PRKD1: variants seen among roughly 807,000 people sequenced by gnomAD.
The protein encoded by PRKD1 is protein kinase D1.
Under a neutral mutation model 95.9 loss-of-function variants are expected in PRKD1, and 63 were observed. The ratio of observed to expected loss-of-function variants is 0.66; its 90% CI spans 0.54 to 0.81. The LOEUF is 0.81. Among genes scored for constraint, PRKD1 ranks in the 30% least tolerant of loss-of-function variants. The pLI, the probability that PRKD1 is intolerant of heterozygous loss-of-function variation, is 0.00. For missense variants in PRKD1, 1,048 were observed against 1,165.3 expected, an observed-to-expected ratio of 0.90 and a Z score of 1.47; for synonymous variants, 425 against 423.1, an observed-to-expected ratio of 1.00 and a Z score of -0.05.
chr14:29,813,927 C>T (rs1409698888), intron 1 of PRKD1, among the ~76,000 whole-genome samples: 1 of 152,156 alleles, frequency 6.6e-6, no homozygotes, highest in Non-Finnish European at 1.5e-5. Context: ...GCCACTGCTA[C>T]CTCTGTACCT....
intron 1 of PRKD1, among the ~76,000 whole-genome samples, chr14:29,787,344 TTTG>T (rs1889322821): frequency 6.6e-6 from 1 of 151,648 alleles, no homozygotes; most frequent in Non-Finnish European, 1.5e-5. Context: ...GTTAGATCCG[TTTG>T]GTTTATATAT....
chr14:29,857,690 T>G (rs1296397221), intron 1 of PRKD1, among the ~76,000 whole-genome samples: 2 of 152,198 alleles, frequency 1.3e-5, no homozygotes, highest in Non-Finnish European at 2.9e-5. Flanking sequence ...AAGAAAATGC[T>G]AGAATGCCAC....
chr14:29,773,881 T>A (rs1260228825), intron 1 of PRKD1, among the ~76,000 whole-genome samples: 1 of 152,184 alleles, frequency 6.6e-6, no homozygotes, highest in Non-Finnish European at 1.5e-5. Flanking sequence ...CAGTAGTGAG[T>A]GTGACACTGT....
intron 1 of PRKD1, among the ~76,000 whole-genome samples, chr14:29,920,127 AAAAG>A (rs1172343232): frequency 6.6e-6 from 1 of 151,890 alleles, no homozygotes; most frequent in Non-Finnish European, 1.5e-5. Flanking sequence ...GAAAGAAAAG[AAAAG>A]AGAGAAGAAA....
chr14:29,640,698 G>T (rs45520344), intron 4 of PRKD1, among the ~76,000 whole-genome samples: 4,278 of 152,280 alleles, frequency 0.028, 182 homozygotes, highest in African/African-American at 0.091. Flanking sequence ...CAATGGGCCT[G>T]TTTTAAGCAT....
At position 29,630,740 on chromosome 14, in the gene PRKD1, A is replaced by G. The variant is rs758403249; in HGVS notation, c.1672+2T>C. The stretch of plus-strand genomic sequence containing the variant: ...GGCTGGTTAGAAAACTGGCAGACTC[A>G]CTGTGCAAGTTGGTTCCTGTACCCA... On this transcript the variant is annotated splice_donor_variant, in intron 10 of 17. Transcript: ENST00000331968. LOFTEE classifies it high-confidence loss of function. 8 of 1,614,034 alleles carry G rather than the reference A, an allele frequency of 5.0e-6. No individual in the cohort carries two copies. In the South Asian group the frequency reaches 8.8e-5, roughly 18 times the overall value.
intron 1 of PRKD1, among the ~76,000 whole-genome samples, chr14:29,866,336 G>T (rs554716639): frequency 6.6e-6 from 1 of 152,108 alleles, no homozygotes; most frequent in Non-Finnish European, 1.5e-5. Flanking sequence ...AATTGGCTAC[G>T]TATTAGCATC....
At chr14:29,630,145 C>T (rs576188565) in intron 10 of PRKD1, among the ~76,000 whole-genome samples, 1 of 151,800 alleles carries the variant, frequency 6.6e-6, no homozygotes, top group Non-Finnish European at 1.5e-5. Context: ...CTAGATTTCT[C>T]CTCCTCCTTC....
At chr14:29,624,296 A>G in intron 12 of PRKD1, 38 bp from the exon 13 acceptor site, 2 of 1,437,810 alleles carry the variant, frequency 1.4e-6, no homozygotes, top group Non-Finnish European at 1.9e-6. Flanking sequence ...TAAGTTATTA[A>G]ATATCATCTA....
At chr14:29,640,299 T>G (rs1880674615) in intron 4 of PRKD1, among the ~76,000 whole-genome samples, 1 of 152,222 alleles carries the variant, frequency 6.6e-6, no homozygotes. Context: ...TGATTACTGA[T>G]AAGACAGCAA....
chr14:29,927,378 C>A lies in PRKD1; in HGVS notation c.135G>T (p.Pro45=). ...PAPFLAPVAA[P]VGGISFHLQI... ...GCAGATGGAACGAGATGCCCCCGAC[C>A]GGGGCCGCGACAGGAGCCAAGAACG... The change falls in exon 1 of 18, where the codon CCG becomes CCT. Residue 45 remains proline (P), a synonymous_variant. Transcript: ENST00000331968. The A allele has an allele frequency of 1.9e-6, 3 of 1,553,198 alleles. No individual in the cohort carries two copies. The highest frequency in any genetic ancestry group is 1.7e-4 in the Middle Eastern group (1 of 5,826).
chr14:29,633,848 G>A (rs1880188048), intron 8 of PRKD1, among the ~76,000 whole-genome samples: 1 of 152,194 alleles, frequency 6.6e-6, no homozygotes, highest in Non-Finnish European at 1.5e-5. Context: ...ATAGGTAAGA[G>A]ATGAGAAAAG....
chr14:29,895,106 C>T (rs1894076151), intron 1 of PRKD1, among the ~76,000 whole-genome samples: 1 of 152,054 alleles, frequency 6.6e-6, no homozygotes, highest in South Asian at 2.1e-4. Context: ...CTGAGGCAGG[C>T]AGATCACAAG....
At position 29,629,182 on chromosome 14, in the gene PRKD1, T is replaced by A. The variant is rs1879824508; in HGVS notation, c.1673-89A>T. On this transcript the variant is annotated intron_variant, in intron 10 of 17. Transcript: ENST00000331968. ...GTAAGTACATGCTTACAAATCATCC[T>A]GCAAAAGTGGTTTTAACTAAATCAT... 8 of 1,087,244 alleles carry A rather than the reference T, an allele frequency of 7.4e-6. No homozygotes were observed. In the South Asian group the frequency reaches 1.3e-4, roughly 17 times the overall value. The allele number at this position is 1,087,244 out of a possible 1,614,324, so 67.3% of individuals were successfully genotyped here.
intron 1 of PRKD1, among the ~76,000 whole-genome samples, chr14:29,775,547 G>C (rs1888702561): frequency 6.6e-6 from 1 of 152,166 alleles, no homozygotes; most frequent in African/African-American, 2.4e-5. Context: ...CTCGCTCATT[G>C]CTAGCACAGC....
intron 2 of PRKD1, among the ~76,000 whole-genome samples, chr14:29,721,841 A>G (rs1264101030): frequency 6.6e-6 from 1 of 151,974 alleles, no homozygotes; most frequent in Admixed American, 6.6e-5. Context: ...CAATCCATCT[A>G]CTCATGAGCA....
intron 1 of PRKD1, among the ~76,000 whole-genome samples, chr14:29,727,273 T>G (rs1886205487): frequency 6.6e-6 from 1 of 152,220 alleles, no homozygotes; most frequent in Non-Finnish European, 1.5e-5. Context: ...TTGTTTGAGT[T>G]CATTGTATAT....
chr14:29,595,041 G>A (rs45526733), intron 16 of PRKD1, among the ~76,000 whole-genome samples: 1,560 of 149,888 alleles, frequency 0.01, 10 homozygotes, highest in Non-Finnish European at 0.014. Context: ...ACAGTAAAAT[G>A]CCTGTGCCTC....
intron 1 of PRKD1, among the ~76,000 whole-genome samples, chr14:29,778,314 C>CA (rs572095662): frequency 4.9e-4 from 75 of 151,998 alleles, no homozygotes; most frequent in African/African-American, 1.3e-3. Context: ...GATACAGACA[C>CA]AAAAAACCCT....
Sources: allele counts gnomAD v4.1 joint callset (sites outside exome capture counted in the v4.1 genomes callset), GRCh38; gene constraint gnomAD v4.1.1; transcripts MANE v1.5; gene names NCBI Gene and HGNC (gene_info 2026-07-23, HGNC 2026-07-21).